Variants in PRMT3 observed in about 807,000 individuals in gnomAD.
PRMT3 encodes protein arginine methyltransferase 3, also known as protein arginine N-methyltransferase 3.
In PRMT3, 62 loss-of-function variants were observed where a neutral mutation model predicts 71.9. The observed-to-expected ratio is 0.86, with a 90% CI of 0.70 to 1.07. PRMT3 has a LOEUF of 1.07. Among genes scored for constraint, PRMT3 ranks in the 50% least tolerant of loss-of-function variants. PRMT3 has a pLI of 0.00. For missense variants in PRMT3, 663 were observed against 643.0 expected (o/e 1.03, Z -0.34); for synonymous variants, 213 against 220.4 (o/e 0.97, Z 0.30).
Position 20,387,743 on chromosome 11 carries a change from A to G in PRMT3, c.-4A>G, listed in dbSNP as rs772049304. The G allele has an allele frequency of 1.5e-5, 23 of 1,539,330 alleles. No individual in the cohort carries two copies. Among genetic ancestry groups the G allele is most frequent in the Non-Finnish European group, 1.9e-5 (22 of 1,145,446 alleles). ...ACACGCCGGGCTCTCGGGGCACCAC[A>G]GCCATGTGCTCGTTAGCGTCAGGCG... On this transcript the variant is annotated 5_prime_UTR_variant, in exon 1 of 16. Transcript: ENST00000331079. The surrounding 1 kb of genome is among the most constrained non-coding windows in gnomAD (Gnocchi z 4.3).
intron 13 of PRMT3, among the ~76,000 whole-genome samples, chr11:20,472,867 G>C (rs549506190): frequency 4.6e-4 from 69 of 150,040 alleles, no homozygotes; most frequent in African/African-American, 1.6e-3. Flanking sequence ...TTTGGAGGGT[G>C]GGGGGTGGAG....
chr11:20,497,296 G>C (rs1439881621), intron 15 of PRMT3, among the ~76,000 whole-genome samples: 2 of 152,106 alleles, frequency 1.3e-5, no homozygotes, highest in African/African-American at 2.4e-5. Context: ...ATAGAATATC[G>C]TGAAGGAGGT....
At chr11:20,411,467 G>T (rs541522520) in intron 9 of PRMT3, among the ~76,000 whole-genome samples, 47 of 152,164 alleles carry the variant, frequency 3.1e-4, no homozygotes, top group African/African-American at 1.0e-3. Context: ...ATTTTTGTAA[G>T]ATTTCCTGCT....
chr11:20,431,845 C>T (rs568465053), intron 10 of PRMT3, among the ~76,000 whole-genome samples: 61 of 152,178 alleles, frequency 4.0e-4, no homozygotes, highest in African/African-American at 1.4e-3. Context: ...GCAGTGCTGA[C>T]AATGCCTAAT....
At chr11:20,399,073 T>C (rs1321106924) in intron 7 of PRMT3, among the ~76,000 whole-genome samples, 1 of 152,224 alleles carries the variant, frequency 6.6e-6, no homozygotes, top group East Asian at 1.9e-4. Context: ...AATATCTACA[T>C]AGAGTAAAAT....
At chr11:20,399,018 G>A (rs74961858) in intron 7 of PRMT3, among the ~76,000 whole-genome samples, 4,363 of 152,256 alleles carry the variant, frequency 0.029, 213 homozygotes, top group African/African-American at 0.098. Context: ...AAGTATTATA[G>A]ATTGTAAAAT....
chr11:20,400,060 G>T (rs1365650595), intron 7 of PRMT3, among the ~76,000 whole-genome samples: 1 of 152,186 alleles, frequency 6.6e-6, no homozygotes, highest in African/African-American at 2.4e-5. Context: ...TTGGATGAAT[G>T]TGAAGCATGC....
At chr11:20,419,154 A>C (rs1429357477) in intron 9 of PRMT3, among the ~76,000 whole-genome samples, 1 of 152,204 alleles carries the variant, frequency 6.6e-6, no homozygotes, top group Non-Finnish European at 1.5e-5. Context: ...TATAGTATGT[A>C]ACAGTTGTGG....
At chr11:20,428,013 G>C (rs908124438) in intron 10 of PRMT3, among the ~76,000 whole-genome samples, 1 of 152,036 alleles carries the variant, frequency 6.6e-6, no homozygotes, top group African/African-American at 2.4e-5. Context: ...TAGTAGTGTA[G>C]GGAGTTCCAG....
chr11:20,398,012 T>TAAAA (rs11424785), intron 7 of PRMT3, among the ~76,000 whole-genome samples: 5 of 121,702 alleles, frequency 4.1e-5, no homozygotes, highest in African/African-American at 6.2e-5. Context: ...TGTCTCTATT[T>TAAAA]AAAAAAAAAA....
intron 4 of PRMT3, among the ~76,000 whole-genome samples, 178 bp downstream of exon 4, chr11:20,392,438 A>G (rs981509461): frequency 3.9e-5 from 6 of 152,332 alleles, no homozygotes; most frequent in African/African-American, 1.2e-4. Context: ...GTAAATGTCT[A>G]CCATAACTAA....
chr11:20,449,018 C>G lies in PRMT3; in HGVS notation c.994-3112C>G, dbSNP rs75653152. Among the ~76,000 whole-genome samples, 1,447 of 152,150 alleles carry G rather than the reference C, an allele frequency of 9.5e-3. 28 individuals carry two copies. Among genetic ancestry groups the G allele is most frequent in the African/African-American group, 0.034 (1,395 of 41,500 alleles). ...GCCTTCTGATATCAGTAATAAATGA[C>G]TTGGTTCAGAACCAAGGACAATTCC... On this transcript the variant is annotated intron_variant, in intron 10 of 15. Coordinates refer to ENST00000331079, the MANE Select transcript of PRMT3 (RefSeq NM_005788.4).
chr11:20,470,663 C>T (rs1347195572), intron 13 of PRMT3, among the ~76,000 whole-genome samples: 2 of 152,136 alleles, frequency 1.3e-5, no homozygotes, highest in Non-Finnish European at 2.9e-5. Flanking sequence ...TAGGTTGACT[C>T]CATGTCTTTG....
chr11:20,405,775 T>A (rs558117183), intron 8 of PRMT3: 136 of 152,338 alleles, frequency 8.9e-4, no homozygotes, highest in African/African-American at 3.2e-3. Flanking sequence ...TTCCTTATTA[T>A]CTTTTTACCC....
intron 7 of PRMT3, among the ~76,000 whole-genome samples, chr11:20,402,037 G>A (rs1449475131): frequency 2.6e-5 from 4 of 152,078 alleles, no homozygotes; most frequent in Admixed American, 2.6e-4. Flanking sequence ...TAGCTGAAAC[G>A]TATCCAGTTT....
chr11:20,409,023 G>A (rs1232158968), intron 9 of PRMT3, among the ~76,000 whole-genome samples: 1 of 152,096 alleles, frequency 6.6e-6, no homozygotes, highest in Non-Finnish European at 1.5e-5. Context: ...ATAGACCTGG[G>A]GAAGTGGAGG....
intron 15 of PRMT3, among the ~76,000 whole-genome samples, chr11:20,496,405 G>A (rs546658429): frequency 1.3e-5 from 2 of 152,122 alleles, no homozygotes; most frequent in Admixed American, 6.5e-5. Context: ...GCGACATAGT[G>A]AGACCCTGTC....
chr11:20,437,445 A>G (rs1849784842), intron 10 of PRMT3, among the ~76,000 whole-genome samples: 1 of 152,150 alleles, frequency 6.6e-6, no homozygotes, highest in African/African-American at 2.4e-5. Context: ...CCAGTTGGGA[A>G]TGGTGTGGTG....
intron 7 of PRMT3, among the ~76,000 whole-genome samples, chr11:20,399,708 T>A (rs144451074): frequency 5.9e-5 from 9 of 152,282 alleles, no homozygotes; most frequent in Middle Eastern, 3.4e-3. Context: ...GTGTTGTGAG[T>A]ACAATCATCA....
Sources: allele counts gnomAD v4.1 joint callset (sites outside exome capture counted in the v4.1 genomes callset), GRCh38; gene constraint gnomAD v4.1.1; non-coding constraint Gnocchi (gnomAD v3.1); transcripts MANE v1.5; gene names NCBI Gene and HGNC (gene_info 2026-07-23, HGNC 2026-07-21).